HGF: variants seen among roughly 807,000 people sequenced by gnomAD.
HGF encodes the protein fibroblast-derived tumor cytotoxic factor.
In HGF, 39 loss-of-function variants were observed where a neutral mutation model predicts 111.6. The ratio of observed to expected loss-of-function variants is 0.35; its 90% CI spans 0.27 to 0.46. The LOEUF is 0.46. HGF is among the 20% of genes least tolerant of loss of function. HGF has a pLI of 1.00. For missense variants in HGF, 735 were observed against 910.5 expected, an observed-to-expected ratio of 0.81 and a Z score of 2.48; for synonymous variants, 285 against 294.8, an observed-to-expected ratio of 0.97 and a Z score of 0.34.
At chr7:81,761,228 A>G (rs1314034875) in intron 2 of HGF, among the ~76,000 whole-genome samples, 11 of 152,190 alleles carry the variant, frequency 7.2e-5, no homozygotes, top group Admixed American at 5.9e-4. Flanking sequence ...CTTTTATAGG[A>G]AAGTCAGGGA....
At chr7:81,752,661 T>A (rs1788560615) in intron 4 of HGF, among the ~76,000 whole-genome samples, 1 of 152,154 alleles carries the variant, frequency 6.6e-6, no homozygotes, top group Admixed American at 6.6e-5. Context: ...CTTGCATTAC[T>A]TATTTGAGAT....
At chr7:81,707,464 C>T (rs561429677) in intron 13 of HGF, 100 bp from the exon 14 acceptor site, 8 of 725,772 alleles carry the variant, frequency 1.1e-5, no homozygotes, top group African/African-American at 1.1e-4. Flanking sequence ...AATAAATACA[C>T]TGCAGAGGAA....
chr7:81,750,973 T>C (rs1788469149), intron 5 of HGF: 1 of 952,162 alleles, frequency 1.1e-6, no homozygotes, highest in Non-Finnish European at 1.3e-6. Context: ...GAATATGATA[T>C]GGAATGGAAA....
chr7:81,766,247 A>G (rs1240122904), intron 1 of HGF, among the ~76,000 whole-genome samples: 1 of 152,206 alleles, frequency 6.6e-6, no homozygotes, highest in Non-Finnish European at 1.5e-5. Context: ...ACTTCAAAGG[A>G]AAATCATGCA....
chr7:81,709,365 T>C (rs1583919145), intron 13 of HGF, among the ~76,000 whole-genome samples: 1 of 152,158 alleles, frequency 6.6e-6, no homozygotes, highest in Non-Finnish European at 1.5e-5. Flanking sequence ...ATGGTAAGGT[T>C]CTGATAGAGA....
rs1789298314 is a variant in HGF at position 81,702,174 on chromosome 7, G to A, written c.*407C>T. ...ATAGGGCTACAATTTAGGGACACAA[G>A]GTATAAATTGTTTTGGTGAGGTTAA... is the stretch of plus-strand genomic sequence containing the variant. On this transcript the variant is annotated 3_prime_UTR_variant, in exon 18 of 18. Coordinates refer to ENST00000222390, the MANE Select transcript of HGF (RefSeq NM_000601.6). The A allele has an allele frequency of 4.2e-6, 1 of 235,354 alleles. No homozygotes were observed. Among genetic ancestry groups the A allele is most frequent in the African/African-American group, 2.2e-5 (1 of 44,818 alleles). 14.6% of individuals were successfully genotyped at this position (235,354 alleles called of 1,614,324 possible). A position where few individuals can be genotyped will look rare whatever the true frequency, so the allele number is the denominator to read the frequency against.
At chr7:81,706,753 T>C (rs1462728969) in intron 14 of HGF, among the ~76,000 whole-genome samples, 1 of 152,048 alleles carries the variant, frequency 6.6e-6, no homozygotes, top group Non-Finnish European at 1.5e-5. Flanking sequence ...GCTTTGTTTA[T>C]GTCAGCTGTG....
At chr7:81,726,567 T>C (rs937416434) in intron 8 of HGF, among the ~76,000 whole-genome samples, 1 of 152,206 alleles carries the variant, frequency 6.6e-6, no homozygotes, top group Non-Finnish European at 1.5e-5. Flanking sequence ...GATGCATTGA[T>C]TTATTTTAAT....
intron 11 of HGF, among the ~76,000 whole-genome samples, chr7:81,712,675 T>C (rs931041839): frequency 6.6e-6 from 1 of 152,168 alleles, no homozygotes. Context: ...TATTCAGAAT[T>C]GATGGCATAG....
At chr7:81,711,874 C>T (rs1789580219) in intron 11 of HGF, among the ~76,000 whole-genome samples, 1 of 152,134 alleles carries the variant, frequency 6.6e-6, no homozygotes, top group South Asian at 2.1e-4. Flanking sequence ...AAACTCCTGA[C>T]CTCAAATGAT....
intron 1 of HGF, chr7:81,763,104 T>A (rs943810363): frequency 6.1e-6 from 3 of 490,926 alleles, no homozygotes; most frequent in Non-Finnish European, 1.1e-5. Flanking sequence ...ATTTACATTC[T>A]TTCAAATTAA....
At chr7:81,722,178 G>C (rs2115879384) in intron 9 of HGF, among the ~76,000 whole-genome samples, 1 of 151,900 alleles carries the variant, frequency 6.6e-6, no homozygotes, top group Middle Eastern at 3.4e-3. Context: ...TCCAAATTTG[G>C]CCAATGGAAG....
At chr7:81,726,071 G>A in intron 8 of HGF, 54 bp from the exon 9 acceptor site, 3 of 1,557,424 alleles carry the variant, frequency 1.9e-6, no homozygotes. Flanking sequence ...CGTTGGTGAA[G>A]TCAGCGCTAT....
intron 9 of HGF, among the ~76,000 whole-genome samples, chr7:81,724,818 G>A (rs777678084): frequency 6.6e-6 from 1 of 152,140 alleles, no homozygotes; most frequent in Non-Finnish European, 1.5e-5. Flanking sequence ...ATTCCCAACA[G>A]GGGGATATAA....
intron 7 of HGF, among the ~76,000 whole-genome samples, chr7:81,740,764 T>C (rs1010219893): frequency 1.3e-5 from 2 of 152,174 alleles, no homozygotes; most frequent in African/African-American, 4.8e-5. Context: ...CACAGGAAAC[T>C]GAATTCTGTC....
intron 17 of HGF, among the ~76,000 whole-genome samples, chr7:81,703,239 CT>C (rs372126265): frequency 8.8e-4 from 126 of 142,524 alleles, no homozygotes; most frequent in East Asian, 1.2e-3. Flanking sequence ...ATTTCTAAAG[CT>C]TTTTTTTTTT....
intron 9 of HGF, among the ~76,000 whole-genome samples, chr7:81,725,688 G>A (rs755073223): frequency 9.2e-5 from 14 of 152,134 alleles, no homozygotes; most frequent in Admixed American, 3.3e-4. Flanking sequence ...AACTGTGGCT[G>A]TCAGTAGCAT....
chr7:81,762,905 C>A (rs1789171299), intron 1 of HGF, 33 bp from the exon 2 acceptor site: 1 of 1,264,572 alleles, frequency 7.9e-7, no homozygotes, highest in African/African-American at 1.5e-5. Context: ...AAAAAATAAA[C>A]ATTGGAGAAA....
intron 17 of HGF, among the ~76,000 whole-genome samples, chr7:81,703,610 T>C (rs990784081): frequency 6.0e-5 from 9 of 150,734 alleles, no homozygotes; most frequent in South Asian, 2.1e-4. Flanking sequence ...AAATAAACAA[T>C]GCACATAGTG....
Sources: allele counts gnomAD v4.1 joint callset (sites outside exome capture counted in the v4.1 genomes callset), GRCh38; gene constraint gnomAD v4.1.1; transcripts MANE v1.5; gene names NCBI Gene and HGNC (gene_info 2026-07-23, HGNC 2026-07-21).